Variants in CSRNP3 observed in about 807,000 individuals in gnomAD.
CSRNP3 encodes the protein cysteine/serine-rich nuclear protein 3.
In CSRNP3, 12 loss-of-function variants were observed where a neutral mutation model predicts 48.0. That is an observed-to-expected ratio of 0.25 (90% confidence interval 0.16 to 0.41). The LOEUF (loss-of-function observed/expected upper bound fraction) is 0.41. Ranked by LOEUF, CSRNP3 falls within the 10% of genes least tolerant of loss-of-function variation. CSRNP3 has a pLI of 1.00. For synonymous variants in CSRNP3, 263 were observed against 269.7 expected (o/e 0.98, Z 0.24); for missense variants, 580 against 724.4 (o/e 0.80, Z 2.29).
rs111702899 is a variant in CSRNP3 at position 165,479,323 on chromosome 2, A to C, written c.-283+9583A>C. ...AGACAAAACAATATCAAGCAGTGAG[A>C]TATCAAAAGTCATGAAAGTCCGTGA... is the stretch of plus-strand genomic sequence containing the variant. On this transcript the variant is annotated intron_variant, in intron 1 of 6. Coordinates refer to ENST00000651982, the MANE Select transcript of CSRNP3 (RefSeq NM_001172173.2). Among the ~76,000 whole-genome samples, 914 of 152,282 alleles carry C rather than the reference A, an allele frequency of 6.0e-3. 5 individuals carry two copies. The highest frequency in any genetic ancestry group is 0.019 in the African/African-American group (794 of 41,542).
chr2:165,591,368 T>C (rs1685714919), intron 3 of CSRNP3, among the ~76,000 whole-genome samples: 1 of 152,150 alleles, frequency 6.6e-6, no homozygotes, highest in Non-Finnish European at 1.5e-5. Context: ...TGAAGTCTGA[T>C]GATGTGATAG....
intron 1 of CSRNP3, among the ~76,000 whole-genome samples, chr2:165,471,156 G>C (rs183402975): frequency 6.6e-6 from 1 of 152,002 alleles, no homozygotes; most frequent in Admixed American, 6.6e-5. Context: ...TTTCCTAAAA[G>C]TACTAAATAT....
At chr2:165,500,424 C>T (rs995168161) in intron 2 of CSRNP3, among the ~76,000 whole-genome samples, 62 of 132,852 alleles carry the variant, frequency 4.7e-4, no homozygotes, top group African/African-American at 1.8e-3. Flanking sequence ...TATATATACA[C>T]ACACACACAC....
intron 3 of CSRNP3, among the ~76,000 whole-genome samples, chr2:165,561,718 C>A (rs773949057): frequency 6.6e-6 from 1 of 152,074 alleles, no homozygotes; most frequent in Non-Finnish European, 1.5e-5. Flanking sequence ...TTTGCTACCC[C>A]ACAGTATGTT....
intron 4 of CSRNP3, among the ~76,000 whole-genome samples, chr2:165,637,723 T>C (rs941268288): frequency 3.9e-5 from 6 of 152,222 alleles, no homozygotes; most frequent in Admixed American, 3.9e-4. Flanking sequence ...TTGTCTTCAA[T>C]TCAGAAAACT....
At chr2:165,578,857 A>G (rs1448046551) in intron 3 of CSRNP3, among the ~76,000 whole-genome samples, 1 of 151,974 alleles carries the variant, frequency 6.6e-6, no homozygotes, top group Admixed American at 6.6e-5. Context: ...TCAAGTCCCA[A>G]CTCCGGAGTT....
At position 165,684,078 on chromosome 2, in the gene CSRNP3, CATAA is replaced by C. The variant is rs1288801537; in HGVS notation, c.*4326_*4329del. 6.6e-6 allele frequency: 1 copy of C among 152,132 alleles called. No individual in the cohort carries two copies. The allele number at this position is 152,132 out of a possible 1,614,324, so 9.4% of individuals were successfully genotyped here. ...AGTTTCAAGGAGGATTTGACTCATG[CATAA>C]CCCAGGAAACATTTCAGGAAACTTT... is the stretch of plus-strand genomic sequence containing the variant. On this transcript the variant is annotated 3_prime_UTR_variant, in exon 7 of 7. Coordinates refer to ENST00000651982, the MANE Select transcript of CSRNP3 (RefSeq NM_001172173.2).
intron 3 of CSRNP3, among the ~76,000 whole-genome samples, chr2:165,578,257 T>G (rs1442502137): frequency 1.3e-5 from 2 of 152,074 alleles, no homozygotes; most frequent in Admixed American, 1.3e-4. Flanking sequence ...ATGGGAAGAA[T>G]TTTTGCTTGC....
At chr2:165,542,480 TA>T (rs544770454) in intron 3 of CSRNP3, among the ~76,000 whole-genome samples, 115 of 152,308 alleles carry the variant, frequency 7.6e-4, no homozygotes, top group Non-Finnish European at 1.3e-3. Context: ...ATTCATAATA[TA>T]ATGTAAACTA....
chr2:165,659,686 A>G (rs1052277236), intron 5 of CSRNP3, among the ~76,000 whole-genome samples: 16 of 152,224 alleles, frequency 1.1e-4, no homozygotes, highest in Admixed American at 8.5e-4. Flanking sequence ...ATATTTTTCC[A>G]TCATTATTTA....
At chr2:165,520,783 T>TTATATATA (rs869287628) in intron 3 of CSRNP3, among the ~76,000 whole-genome samples, 22 of 29,638 alleles carry the variant, frequency 7.4e-4, no homozygotes, top group Admixed American at 1.9e-3. Context: ...TATATATATA[T>TTATATATA]TATATATATA....
At chr2:165,472,037 T>C (rs891885967) in intron 1 of CSRNP3, among the ~76,000 whole-genome samples, 1 of 151,948 alleles carries the variant, frequency 6.6e-6, no homozygotes, top group Non-Finnish European at 1.5e-5. Flanking sequence ...TGGAGCTCAC[T>C]ATATACAGCT....
At chr2:165,558,909 A>G (rs934702795) in intron 3 of CSRNP3, among the ~76,000 whole-genome samples, 3 of 152,140 alleles carry the variant, frequency 2.0e-5, no homozygotes, top group Admixed American at 6.6e-5. Flanking sequence ...CTCATTATTA[A>G]TCTTCCGATA....
At chr2:165,507,860 A>G (rs1223037967) in intron 2 of CSRNP3, among the ~76,000 whole-genome samples, 2 of 152,132 alleles carry the variant, frequency 1.3e-5, no homozygotes, top group Admixed American at 1.3e-4. Flanking sequence ...TTATTGTTAG[A>G]AAGCCTGTGG....
chr2:165,586,717 CTA>C (rs562784783), intron 3 of CSRNP3, among the ~76,000 whole-genome samples: 16 of 152,080 alleles, frequency 1.1e-4, no homozygotes, highest in Non-Finnish European at 2.4e-4. Context: ...GGATTAAACA[CTA>C]GATGAATATC....
At chr2:165,495,436 T>A (rs1302838840) in intron 2 of CSRNP3, among the ~76,000 whole-genome samples, 3 of 152,060 alleles carry the variant, frequency 2.0e-5, no homozygotes, top group Non-Finnish European at 2.9e-5. Context: ...AAGTTCATGC[T>A]CTTGAGTAAG....
chr2:165,544,809 G>A (rs1480603777), intron 3 of CSRNP3, among the ~76,000 whole-genome samples: 8 of 152,152 alleles, frequency 5.3e-5, no homozygotes, highest in Non-Finnish European at 4.4e-5. Flanking sequence ...AAGCTTGAGA[G>A]TCATCGTCAT....
intron 4 of CSRNP3, among the ~76,000 whole-genome samples, chr2:165,597,136 A>G (rs182594877): frequency 6.6e-6 from 1 of 152,296 alleles, no homozygotes; most frequent in East Asian, 1.9e-4. Flanking sequence ...GTTATTTCTC[A>G]TGAGTTATAA....
At chr2:165,656,554 TAAG>T (rs774184215) in intron 4 of CSRNP3, among the ~76,000 whole-genome samples, 3 of 152,116 alleles carry the variant, frequency 2.0e-5, no homozygotes, top group Non-Finnish European at 2.9e-5. Flanking sequence ...ATTAAAAAAA[TAAG>T]AAGAAGAAAA....
Sources: allele counts gnomAD v4.1 joint callset (sites outside exome capture counted in the v4.1 genomes callset), GRCh38; gene constraint gnomAD v4.1.1; transcripts MANE v1.5; gene names NCBI Gene and HGNC (gene_info 2026-07-23, HGNC 2026-07-21).